Variants in NPC1L1 observed in about 807,000 individuals in gnomAD.
The protein encoded by NPC1L1 is NPC1-like intracellular cholesterol transporter 1.
NPC1L1 carries 98 observed loss-of-function variants against 117.0 expected under a neutral mutation model. The observed-to-expected ratio is 0.84, with a 90% CI of 0.71 to 0.99. NPC1L1 has a LOEUF of 0.99. Among genes scored for constraint, NPC1L1 ranks in the 50% least tolerant of loss-of-function variants. The pLI is 0.00. For synonymous variants in NPC1L1, 729 were observed against 727.6 expected, an observed-to-expected ratio of 1.00 and a Z score of -0.03; for missense variants, 1,540 against 1,710.0, an observed-to-expected ratio of 0.90 and a Z score of 1.75.
intron 1 of NPC1L1, among the ~76,000 whole-genome samples, 189 bp downstream of exon 1, chr7:44,541,017 C>T (rs900079864): frequency 5.9e-5 from 9 of 152,110 alleles, no homozygotes; most frequent in African/African-American, 2.2e-4. Context: ...AAGCCTGTAA[C>T]CTGGAAACCC....
intron 10 of NPC1L1, among the ~76,000 whole-genome samples, chr7:44,523,248 G>T (rs1300365338): frequency 6.6e-6 from 1 of 152,002 alleles, no homozygotes; most frequent in African/African-American, 2.4e-5. Context: ...AAGAGATGGG[G>T]TTTCACCATG....
rs766323892 is a variant in NPC1L1 at position 44,536,269 on chromosome 7, G to A, written c.1841C>T (p.Thr614Met). 1.1e-4 allele frequency: 180 copies of A among 1,613,772 alleles called. 1 individual carries two copies. Among genetic ancestry groups the A allele is most frequent in the Non-Finnish European group, 6.7e-5 (79 of 1,180,034 alleles). The change falls in exon 4 of 19, where the codon ACG becomes ATG. Residue 614 changes from threonine (T) to methionine (M), a missense_variant. Coordinates refer to ENST00000381160, the MANE Select transcript of NPC1L1 (RefSeq NM_001101648.2). The surrounding 1 kb of genome is among the most constrained non-coding windows in gnomAD (Gnocchi z 4.7). ...QRRMAGMFQV[T>M]FMAERSLEDE... Reference sequence around the variant, plus strand: ...TGCAGCCCCTACCTCAGCCATGAACGTGACCTGGAACATGCCAGCCATCCG... The same window carrying A: ...TGCAGCCCCTACCTCAGCCATGAACATGACCTGGAACATGCCAGCCATCCG...
chr7:44,536,056 G>C lies in NPC1L1; in HGVS notation c.1855-88C>G. On this transcript the variant is annotated intron_variant, in intron 4 of 18. Transcript: ENST00000381160. The surrounding 1 kb of genome is among the most constrained non-coding windows in gnomAD (Gnocchi z 4.7). ...ATAGCTCGGTCACTGGGCACTAATT[G>C]TGTGTTGTGTCATAGGGCCTGATGG... 2 of 1,602,260 alleles carry C rather than the reference G, an allele frequency of 1.2e-6. No individual in the cohort carries two copies. Among genetic ancestry groups the C allele is most frequent in the South Asian group, 1.1e-5 (1 of 90,174 alleles).
Position 44,533,805 on chromosome 7 carries a change from C to T in NPC1L1, c.2215G>A (p.Ala739Thr). ...GEPREVHIGRALGRVAPSMLL... is the reference protein window; with the variant it reads ...GEPREVHIGRTLGRVAPSMLL... ...ATGCTGGGAGCCACCCTGCCTAGGG[C>T]TCGCCCAATGTGGACCTCTCGTGGC... The change falls in exon 7 of 19, where the codon GCC becomes ACC. Residue 739 changes from alanine (A) to threonine (T), a missense_variant. Coordinates refer to ENST00000381160, the MANE Select transcript of NPC1L1 (RefSeq NM_001101648.2). The T allele has an allele frequency of 6.2e-7, 1 of 1,613,854 alleles. No homozygotes were observed. The highest frequency in any genetic ancestry group is 2.2e-5 in the East Asian group (1 of 44,884).
chr7:44,539,932 G>A lies in NPC1L1; in HGVS notation c.465C>T (p.Ala155=), dbSNP rs1342742225. 2 of 1,614,090 alleles carry A rather than the reference G, an allele frequency of 1.2e-6. No homozygotes were observed. The highest frequency in any genetic ancestry group is 3.3e-5 in the Admixed American group (2 of 60,014). The change falls in exon 2 of 19, where the codon GCC becomes GCT. Residue 155 remains alanine (A), a synonymous_variant. Transcript: ENST00000381160. The surrounding 1 kb of genome is among the most constrained non-coding windows in gnomAD (Gnocchi z 4.4). ...AGCTATGCTGGTAGAAGGCCTCATA[G>A]GCCACCACAGCTGGGAGTTGTCCAG... ...LGAGQLPAVV[A]YEAFYQHSFA... is the part of the protein sequence containing the mutation.
At chr7:44,517,133 A>T (rs1337269003) in intron 15 of NPC1L1, 74 bp downstream of exon 15, 1 of 1,598,314 alleles carries the variant, frequency 6.3e-7, no homozygotes, top group Non-Finnish European at 8.6e-7. Context: ...ACTCCTTGCA[A>T]GCCCTCCACC....
chr7:44,530,764 G>T (rs1031290924), intron 10 of NPC1L1, among the ~76,000 whole-genome samples: 1 of 152,120 alleles, frequency 6.6e-6, no homozygotes, highest in Non-Finnish European at 1.5e-5. Flanking sequence ...CAGGTGGCAG[G>T]TTCATTCTGT....
In NPC1L1 at chr7:44,534,542, C is replaced by T. The variant is rs775959872; in HGVS notation, c.2071G>A (p.Gly691Ser). ...MAAMGFFSYLGIRSSLVILQV... is the reference protein window; with the variant it reads ...MAAMGFFSYLSIRSSLVILQV... ...AGGATGACCAGGGAGGAGCGGATAC[C>T]CAAGTAGGAGAAGAAGCCCATGGCA... Residue 691 changes from glycine to serine, a missense_variant, in exon 6 of 19, where the codon GGT becomes AGT. Around this residue, in one of 3 missense-constraint regions of NPC1L1, gnomAD observed 742 missense variants for 873.6 expected, o/e 0.85. Transcript: ENST00000381160. This position sits in a 1 kb window ranked among gnomAD's most constrained non-coding sequence, Gnocchi z 5.2. 1 of 1,614,134 alleles carries T rather than the reference C, an allele frequency of 6.2e-7. No individual in the cohort carries two copies. The highest frequency in any genetic ancestry group is 1.1e-5 in the South Asian group (1 of 91,084).
rs576990187 is a variant in NPC1L1, at chr7:44,536,405, C to T, written c.1705G>A (p.Ala569Thr). 50 of 1,613,570 alleles carry T rather than the reference C, an allele frequency of 3.1e-5. No individual in the cohort carries two copies. Among genetic ancestry groups the T allele is most frequent in the South Asian group, 2.2e-4 (20 of 91,090 alleles). ...YKGKDYSEAE[A>T]LIMTFSLNNY... The stretch of plus-strand genomic sequence containing the variant: ...TTGAGGGAGAACGTCATGATCAGGG[C>T]CTCTGCCTCAGAATAGTCCTTTCCT... Residue 569 changes from alanine to threonine, a missense_variant, in exon 4 of 19, where the codon GCC becomes ACC. Physicochemically the swap from Ala to Thr is moderately conservative, Grantham distance 58 (BLOSUM62 0). This residue lies in a region of NPC1L1 where 793 missense variants were observed against 820.4 expected (regional missense o/e 0.97). Transcript: ENST00000381160. This position sits in a 1 kb window ranked among gnomAD's most constrained non-coding sequence, Gnocchi z 4.7.
At position 44,517,079 on chromosome 7, in the gene NPC1L1, G is replaced by A. The variant is rs79744511; in HGVS notation, c.3287+128C>T. Reference sequence around the variant, plus strand: ...CAGCCTAAGAAATAGGCCCAAGGCTGCAGCCAGAGCCTCCTGACCTAAAAC... The same window carrying A: ...CAGCCTAAGAAATAGGCCCAAGGCTACAGCCAGAGCCTCCTGACCTAAAAC... On this transcript the variant is annotated intron_variant, in intron 15 of 18. Transcript: ENST00000381160. 4,631 of 1,449,686 alleles carry A rather than the reference G, an allele frequency of 3.2e-3. 114 individuals are homozygous for A. The African/African-American group carries it at 0.057, about 18-fold the overall frequency. The allele number at this position is 1,449,686 out of a possible 1,614,324, so 89.8% of individuals were successfully genotyped here.
At chr7:44,517,056 G>T in intron 15 of NPC1L1, 122 bp from the exon 16 acceptor site, 1 of 1,441,810 alleles carries the variant, frequency 6.9e-7, no homozygotes, top group Non-Finnish European at 9.7e-7. Context: ...GTACAAACCA[G>T]CCTAAGAAAT....
rs1031834716 is a variant in NPC1L1, at chr7:44,513,468, G to A, written c.3978C>T (p.Pro1326=). The change falls in exon 19 of 19, where the codon CCC becomes CCT. Residue 1326 remains proline (P), a synonymous_variant. Transcript: ENST00000381160. The stretch of plus-strand genomic sequence containing the variant: ...TGTATCAGAACTGCCGCCCATTGTT[G>A]GGCAAGAAGTTGCTGATGGCACCAG... ...KGAGAISNFL[P]NNGRQF is the part of the protein sequence containing the mutation. The A allele has an allele frequency of 3.7e-6, 6 of 1,614,030 alleles. No individual in the cohort carries two copies. Among genetic ancestry groups the A allele is most frequent in the East Asian group, 2.2e-5 (1 of 44,894 alleles).
chr7:44,535,097 G>A (rs1001318566), intron 5 of NPC1L1, among the ~76,000 whole-genome samples: 6 of 151,938 alleles, frequency 3.9e-5, no homozygotes, highest in African/African-American at 1.2e-4. Flanking sequence ...AAAAATGGCC[G>A]GACGTGGTAG....
At chr7:44,530,391 G>A (rs960774101) in intron 10 of NPC1L1, among the ~76,000 whole-genome samples, 1 of 152,088 alleles carries the variant, frequency 6.6e-6, no homozygotes, top group Non-Finnish European at 1.5e-5. Context: ...GGGGAGGGGA[G>A]AATGGGGAGT....
At chr7:44,531,708 C>G (rs1232461412) in intron 10 of NPC1L1, 47 bp downstream of exon 10, 2 of 1,524,052 alleles carry the variant, frequency 1.3e-6, no homozygotes, top group African/African-American at 1.4e-5. Flanking sequence ...GCTACTGCCC[C>G]TCCCCAAATC....
chr7:44,514,839 T>C (rs917908537), intron 18 of NPC1L1, among the ~76,000 whole-genome samples: 1 of 150,114 alleles, frequency 6.7e-6, no homozygotes, highest in African/African-American at 2.5e-5. Flanking sequence ...CCGTCTCTAC[T>C]AAAAATAAAA....
intron 16 of NPC1L1, 24 bp downstream of exon 16, chr7:44,516,679 T>G: frequency 6.3e-7 from 1 of 1,576,212 alleles, no homozygotes; most frequent in Non-Finnish European, 8.7e-7. Flanking sequence ...AGAGGCCCCC[T>G]GGTGCCTGTG....
intron 7 of NPC1L1, 81 bp downstream of exon 7, chr7:44,533,658 C>T (rs1210394158): frequency 1.2e-6 from 2 of 1,607,426 alleles, no homozygotes; most frequent in Non-Finnish European, 1.7e-6. Context: ...GCACTATACC[C>T]ACTGCCCTCT....
Position 44,541,230 on chromosome 7 carries a change from C to A in NPC1L1, c.30G>T (p.Leu10=). The A allele has an allele frequency of 6.5e-7, 1 of 1,549,934 alleles. No homozygotes were observed. Among genetic ancestry groups the A allele is most frequent in the Non-Finnish European group, 8.7e-7 (1 of 1,146,814 alleles). The stretch of plus-strand genomic sequence containing the variant: ...CCAAGCGCAGGAGCAGGGCCCACAG[C>A]AGCCAGCCCCTCAGGCCGGCCTCCG... MAEAGLRGW[L]LWALLLRLAQ... is the part of the protein sequence containing the mutation. Residue 10 remains leucine (L), a synonymous_variant, in exon 1 of 19, where the codon CTG becomes CTT. Transcript: ENST00000381160.
Sources: gnomAD v4.1 joint callset for allele counts (sites outside exome capture counted in the v4.1 genomes callset) on GRCh38, gnomAD v4.1.1 for gene constraint, gnomAD v4.1.1 regional missense constraint, Gnocchi (gnomAD v3.1) non-coding constraint, MANE v1.5 for transcripts, NCBI Gene and HGNC (gene_info 2026-07-23, HGNC 2026-07-21) for gene names.